The following SLC25A17 variants were observed in gnomAD, a reference collection of about 807,000 sequenced individuals.
SLC25A17 encodes peroxisomal membrane protein PMP34.
A neutral mutation model predicts 38.5 loss-of-function variants in SLC25A17; 26 were observed. The observed-to-expected ratio is 0.68, with a 90% CI of 0.50 to 0.94. The LOEUF (loss-of-function observed/expected upper bound fraction) is 0.94. SLC25A17 is among the 40% of genes least tolerant of loss of function. The probability of loss-of-function intolerance (pLI) is 0.00; values close to 1 mark genes in which losing one functional copy is unlikely to be tolerated. For missense variants in SLC25A17, 333 were observed against 372.7 expected (o/e 0.89, Z 0.88); for synonymous variants, 139 against 136.2 (o/e 1.02, Z -0.14).
intron 4 of SLC25A17, chr22:40,780,372 T>G (rs2057283624): frequency 6.6e-6 from 1 of 152,238 alleles, no homozygotes; most frequent in Non-Finnish European, 1.5e-5. Flanking sequence ...TCACATAACA[T>G]TAAGGAGTCA....
intron 4 of SLC25A17, among the ~76,000 whole-genome samples, chr22:40,782,050 T>C (rs2057299414): frequency 6.6e-6 from 1 of 152,114 alleles, no homozygotes; most frequent in Non-Finnish European, 1.5e-5. Context: ...CGAAACCCTG[T>C]TTCTACTAAG....
chr22:40,787,417 A>G (rs957379366), intron 4 of SLC25A17, among the ~76,000 whole-genome samples: 11 of 152,226 alleles, frequency 7.2e-5, no homozygotes, highest in African/African-American at 2.7e-4. Context: ...AGTTACTAGA[A>G]GTGGAAGAGC....
rs368867427 is a variant in SLC25A17 at position 40,773,202 on chromosome 22, G to A, written c.776+735C>T. Among the ~76,000 whole-genome samples, 4 of 152,176 alleles carry A rather than the reference G, an allele frequency of 2.6e-5. No individual in the cohort carries two copies. In the East Asian group the frequency reaches 5.8e-4, roughly 22 times the overall value. On this transcript the variant is annotated intron_variant, in intron 8 of 8. Transcript: ENST00000435456. ...AGAAGGGCAGATCACGAGGTCAGGAGATCAAGACCATCCTGGCAAACACAG... is the reference window on the plus strand; with the variant it reads ...AGAAGGGCAGATCACGAGGTCAGGAAATCAAGACCATCCTGGCAAACACAG...
intron 2 of SLC25A17, among the ~76,000 whole-genome samples, chr22:40,798,763 T>C (rs1230091751): frequency 6.7e-6 from 1 of 149,750 alleles, no homozygotes; most frequent in African/African-American, 2.5e-5. Context: ...GATGAGGAGT[T>C]CAAGACCAGT....
chr22:40,782,638 T>C (rs1476230967), intron 4 of SLC25A17, among the ~76,000 whole-genome samples: 3 of 152,054 alleles, frequency 2.0e-5, no homozygotes, highest in African/African-American at 4.8e-5. Flanking sequence ...TATAAGAAAA[T>C]GGCAAAACAA....
intron 1 of SLC25A17, among the ~76,000 whole-genome samples, chr22:40,802,874 A>T (rs2019924817): frequency 6.6e-6 from 1 of 152,128 alleles, no homozygotes; most frequent in African/African-American, 2.4e-5. Flanking sequence ...GACATTTCAA[A>T]ATTTATTTAT....
At chr22:40,798,633 CT>C (rs1217734044) in intron 2 of SLC25A17, among the ~76,000 whole-genome samples, 2 of 141,628 alleles carry the variant, frequency 1.4e-5, no homozygotes, top group Non-Finnish European at 3.0e-5. Flanking sequence ...ACCCTATCCC[CT>C]CTAGAAAAAT....
rs767636197 is a variant in SLC25A17, at chr22:40,779,054, AT to A, written c.405del (p.Lys135AsnfsTer55). 1.9e-5 allele frequency: 30 copies of A among 1,614,086 alleles called. No homozygotes were observed. Among genetic ancestry groups the A allele is most frequent in the Admixed American group, 6.7e-5 (4 of 60,002 alleles). On this transcript the variant is annotated frameshift_variant, in exon 5 of 9. Transcript: ENST00000435456. LOFTEE classifies it high-confidence loss of function. ...VNTRLKLQGA[K>X]FRNEDIVPTN... Reference sequence around the variant, plus strand: ...GTTGGTACAATGTCTTCATTCCTAAATTTTGCTCCTTGAAGCTTCAGTCTGG... The same window carrying A: ...GTTGGTACAATGTCTTCATTCCTAAATTTGCTCCTTGAAGCTTCAGTCTGG...
Position 40,797,311 on chromosome 22 carries a change from G to C in SLC25A17, c.115+1712C>G, listed in dbSNP as rs186275343. On this transcript the variant is annotated intron_variant, in intron 2 of 8. Coordinates refer to ENST00000435456, the MANE Select transcript of SLC25A17 (RefSeq NM_006358.4). ...ATCTCTTCATGCAAGTTCTGGCATA[G>C]GTTTACAATTTCAACTTGAACAAAT... The C allele has an allele frequency of 2.3e-6, 3 of 1,301,458 alleles. No individual in the cohort carries two copies. In the East Asian group the frequency reaches 1.7e-4, roughly 72 times the overall value. 80.6% of individuals were successfully genotyped at this position (1,301,458 alleles called of 1,614,324 possible). A position where few individuals can be genotyped will look rare whatever the true frequency, so the allele number is the denominator to read the frequency against.
intron 1 of SLC25A17, among the ~76,000 whole-genome samples, chr22:40,808,587 A>T (rs2070195025): frequency 6.6e-6 from 1 of 152,256 alleles, no homozygotes; most frequent in African/African-American, 2.4e-5. Context: ...AAGAATGATT[A>T]TATGGGAAGG....
At position 40,789,785 on chromosome 22, in the gene SLC25A17, G is replaced by C. The variant is rs775089255; in HGVS notation, c.334+2740C>G. Among the ~76,000 whole-genome samples, 1 of 151,786 alleles carries C rather than the reference G, an allele frequency of 6.6e-6. No homozygotes were observed. Among genetic ancestry groups the C allele is most frequent in the Non-Finnish European group, 1.5e-5 (1 of 67,956 alleles). ...AGCCTCTCAAAGTGCTGGGATTACA[G>C]GCGTGAGCCACCGCGCCTGGTCTAA... is the stretch of plus-strand genomic sequence containing the variant. On this transcript the variant is annotated intron_variant, in intron 4 of 8. Transcript: ENST00000435456. The surrounding 1 kb of genome is among the most constrained non-coding windows in gnomAD (Gnocchi z 4.5).
At chr22:40,812,345 T>C (rs1379758687) in intron 1 of SLC25A17, among the ~76,000 whole-genome samples, 2 of 152,178 alleles carry the variant, frequency 1.3e-5, no homozygotes, top group Non-Finnish European at 2.9e-5. Context: ...ACATATGAAG[T>C]TGGGCTTACA....
chr22:40,803,633 A>G (rs1602620352), intron 1 of SLC25A17, among the ~76,000 whole-genome samples: 1 of 152,214 alleles, frequency 6.6e-6, no homozygotes, highest in African/African-American at 2.4e-5. Context: ...TCTCTTTGAC[A>G]CGCTGATTTC....
intron 7 of SLC25A17, chr22:40,776,215 C>G (rs752434652): frequency 2.8e-4 from 119 of 420,912 alleles, no homozygotes; most frequent in South Asian, 6.2e-4. Context: ...TCCACTAGCT[C>G]CATAAGGGCA....
At chr22:40,802,152 A>T (rs1453379868) in intron 1 of SLC25A17, among the ~76,000 whole-genome samples, 1 of 152,180 alleles carries the variant, frequency 6.6e-6, no homozygotes, top group East Asian at 1.9e-4. Flanking sequence ...GAAAAAGTCT[A>T]GCCTGGAAGC....
intron 4 of SLC25A17, among the ~76,000 whole-genome samples, chr22:40,785,975 G>A (rs1476274756): frequency 2.6e-5 from 4 of 152,070 alleles, no homozygotes; most frequent in African/African-American, 9.7e-5. Context: ...CTGCTGTGCT[G>A]AATACAGACT....
chr22:40,814,939 C>T (rs1194010519), intron 1 of SLC25A17, among the ~76,000 whole-genome samples: 1 of 151,872 alleles, frequency 6.6e-6, no homozygotes, highest in East Asian at 1.9e-4. Flanking sequence ...CCTGCCTCAG[C>T]CTCCCGAGTA....
At chr22:40,816,667 A>G (rs1423958584) in intron 1 of SLC25A17, among the ~76,000 whole-genome samples, 2 of 148,560 alleles carry the variant, frequency 1.3e-5, no homozygotes, top group Admixed American at 6.7e-5. Flanking sequence ...CTGGAGTGCA[A>G]TGGCACAATT....
rs1173768312 is a variant in SLC25A17 at position 40,777,507 on chromosome 22, G to C, written c.452-134C>G. 2.8e-6 allele frequency: 3 copies of C among 1,061,112 alleles called. No individual in the cohort carries two copies. In the Admixed American group the frequency reaches 7.7e-5, roughly 27 times the overall value. 65.7% of individuals were successfully genotyped at this position (1,061,112 alleles called of 1,614,324 possible). ...TATAAAGATTTCCTTCTTGCAGCCG[G>C]TTGCAATGGCTCACGCCTGTAGTCC... On this transcript the variant is annotated intron_variant, in intron 5 of 8. Coordinates refer to ENST00000435456, the MANE Select transcript of SLC25A17 (RefSeq NM_006358.4).
Sources: gnomAD v4.1 joint callset for allele counts (sites outside exome capture counted in the v4.1 genomes callset) on GRCh38, gnomAD v4.1.1 for gene constraint, Gnocchi (gnomAD v3.1) non-coding constraint, MANE v1.5 for transcripts, NCBI Gene and HGNC (gene_info 2026-07-23, HGNC 2026-07-21) for gene names.